Variants in CELF2 observed in about 807,000 individuals in gnomAD.
The protein encoded by CELF2 is CUGBP Elav-like family member 2.
In CELF2, 8 loss-of-function variants were observed where a neutral mutation model predicts 62.6. That is an observed-to-expected ratio of 0.13 (90% CI 0.07 to 0.23). CELF2 has a LOEUF of 0.23. Among genes scored for constraint, CELF2 ranks in the 10% least tolerant of loss-of-function variants. CELF2 has a pLI of 1.00. For synonymous variants in CELF2, 258 were observed against 250.0 expected, an observed-to-expected ratio of 1.03 and a Z score of -0.30; for missense variants, 333 against 671.0, an observed-to-expected ratio of 0.50 and a Z score of 5.56.
the CELF2 span, among the ~76,000 whole-genome samples, chr10:10,508,896 G>A: frequency 6.6e-6 from 1 of 152,014 alleles, no homozygotes; most frequent in Non-Finnish European, 1.5e-5. Flanking sequence ...GGTTGGTCTT[G>A]AACTCCTGAC....
rs569912197 is a variant in CELF2 at position 11,296,141 on chromosome 10, G to A, written c.976+7589G>A. 2.0e-5 allele frequency among the ~76,000 whole-genome samples: 3 copies of A among 152,284 alleles called. No individual in the cohort carries two copies. Among genetic ancestry groups the A allele is most frequent in the Admixed American group, 6.5e-5 (1 of 15,298 alleles). On this transcript the variant is annotated intron_variant, in intron 9 of 12. Coordinates refer to ENST00000633077, the MANE Select transcript of CELF2 (RefSeq NM_001326342.2). This position sits in a 1 kb window ranked among gnomAD's most constrained non-coding sequence, Gnocchi z 5.0. Reference sequence around the variant, plus strand: ...TCATCCCCGGGATGGACAGATCCTCGCGTGCATCTTAGGGCTGCCACTCAC... The same window carrying A: ...TCATCCCCGGGATGGACAGATCCTCACGTGCATCTTAGGGCTGCCACTCAC...
the CELF2 span, among the ~76,000 whole-genome samples, chr10:10,751,041 G>A: frequency 1.3e-5 from 2 of 152,230 alleles, no homozygotes; most frequent in Admixed American, 6.5e-5. Context: ...CCGTTTCAGC[G>A]ATGTCTAGAA....
At position 11,297,775 on chromosome 10, in the gene CELF2, GTTT is replaced by G. The variant is rs2093342252; in HGVS notation, c.976+9224_976+9226del. On this transcript the variant is annotated intron_variant, in intron 9 of 12. Transcript: ENST00000633077. This position sits in a 1 kb window ranked among gnomAD's most constrained non-coding sequence, Gnocchi z 4.4. Reference sequence around the variant, plus strand: ...CTTGAGGAACTCCCTGAGGCCAGGAGTTTGAGACCAGCCTGGCCAACATGGTGA... The same window carrying G: ...CTTGAGGAACTCCCTGAGGCCAGGAGGAGACCAGCCTGGCCAACATGGTGA... Among the ~76,000 whole-genome samples the G allele has an allele frequency of 6.6e-6, 1 of 152,214 alleles. No homozygotes were observed. Among genetic ancestry groups the G allele is most frequent in the Non-Finnish European group, 1.5e-5 (1 of 68,024 alleles).
At chr10:11,167,583 C>T (rs920494217) in intron 2 of CELF2, among the ~76,000 whole-genome samples, 1 of 152,196 alleles carries the variant, frequency 6.6e-6, no homozygotes, top group Non-Finnish European at 1.5e-5. Context: ...CCTAGTTATT[C>T]TCCCATTGTC....
chr10:10,995,127 A>G lies in CELF2; in HGVS notation c.89+75128A>G, dbSNP rs959586173. Among the ~76,000 whole-genome samples the G allele has an allele frequency of 4.6e-5, 7 of 152,220 alleles. No homozygotes were observed. Among genetic ancestry groups the G allele is most frequent in the Admixed American group, 3.3e-4 (5 of 15,278 alleles). The stretch of plus-strand genomic sequence containing the variant: ...TAAGCTGTGTCTTTCTAACTTGGTT[A>G]TAAGTTCCTTAAGGGCAGGAGCTAT... On this transcript the variant is annotated intron_variant, in intron 2 of 13. Transcript: ENST00000636488. This position sits in a 1 kb window ranked among gnomAD's most constrained non-coding sequence, Gnocchi z 4.7.
intron 1 of CELF2, among the ~76,000 whole-genome samples, chr10:11,042,786 G>T (rs2062071944): frequency 6.6e-6 from 1 of 152,050 alleles, no homozygotes; most frequent in Non-Finnish European, 1.5e-5. Flanking sequence ...AAATGTAATT[G>T]TATAATATGT....
intron 1 of CELF2, among the ~76,000 whole-genome samples, chr10:10,818,051 G>T (rs184218644): frequency 1.3e-5 from 2 of 152,068 alleles, no homozygotes; most frequent in African/African-American, 4.8e-5. Flanking sequence ...TGATGTTGCC[G>T]CTAATATCAC....
intron 1 of CELF2, among the ~76,000 whole-genome samples, chr10:10,870,055 A>G (rs1017124067): frequency 6.6e-6 from 1 of 152,212 alleles, no homozygotes; most frequent in East Asian, 1.9e-4. Flanking sequence ...AAAATCTAAA[A>G]TTTAAGAACT....
In CELF2 at chr10:11,224,942, C is replaced by T. The variant is rs2065987543; in HGVS notation, c.354+7435C>T. Among the ~76,000 whole-genome samples the T allele has an allele frequency of 6.6e-6, 1 of 152,030 alleles. No homozygotes were observed. Among genetic ancestry groups the T allele is most frequent in the Admixed American group, 6.6e-5 (1 of 15,262 alleles). On this transcript the variant is annotated intron_variant, in intron 3 of 12. Transcript: ENST00000633077. The surrounding 1 kb of genome is among the most constrained non-coding windows in gnomAD (Gnocchi z 4.5). ...GGATCAGAGGGAGTCAGGGCTCTGCCGGATATGGTCTGGTTTGTGCAGGGA... is the reference window on the plus strand; with the variant it reads ...GGATCAGAGGGAGTCAGGGCTCTGCTGGATATGGTCTGGTTTGTGCAGGGA...
At chr10:10,875,282 A>G (rs1484554414) in intron 1 of CELF2, among the ~76,000 whole-genome samples, 2 of 152,318 alleles carry the variant, frequency 1.3e-5, no homozygotes, top group East Asian at 1.9e-4. Flanking sequence ...TTCTCTCTAC[A>G]TATGCTATTT....
the CELF2 span, among the ~76,000 whole-genome samples, chr10:10,668,977 G>A: frequency 6.6e-6 from 1 of 151,996 alleles, no homozygotes; most frequent in Non-Finnish European, 1.5e-5. Context: ...CAAACAAAAG[G>A]TTACATACAA....
chr10:10,767,904 G>A, the CELF2 span, among the ~76,000 whole-genome samples: 1 of 131,240 alleles, frequency 7.6e-6, no homozygotes, highest in African/African-American at 3.0e-5. Context: ...GCTGAGGCAG[G>A]AGAATGGCGT....
rs2080206642 is a variant in CELF2 at position 11,260,591 on chromosome 10, A to G, written c.538+2719A>G. On this transcript the variant is annotated intron_variant, in intron 5 of 12. Transcript: ENST00000633077. The surrounding 1 kb of genome is among the most constrained non-coding windows in gnomAD (Gnocchi z 4.2). ...CAAGTGATGGGGAGCAGTCTCATCA[A>G]TATTTTATGCAAACGCTGGCTCAGT... 6.6e-6 allele frequency among the ~76,000 whole-genome samples: 1 copy of G among 151,986 alleles called. No individual in the cohort carries two copies. The highest frequency in any genetic ancestry group is 1.5e-5 in the Non-Finnish European group (1 of 67,996).
At chr10:10,906,651 A>G (rs2063358381) in intron 1 of CELF2, among the ~76,000 whole-genome samples, 1 of 151,968 alleles carries the variant, frequency 6.6e-6, no homozygotes, top group African/African-American at 2.4e-5. Context: ...AACAAAGAGG[A>G]GAGTGTTCTG....
At position 11,165,582 on chromosome 10, in the gene CELF2, A is replaced by G. The variant is rs377424177; in HGVS notation, c.171A>G (p.Ser57=). The G allele has an allele frequency of 1.9e-6, 3 of 1,614,122 alleles. No homozygotes were observed. The highest frequency in any genetic ancestry group is 1.1e-5 in the South Asian group (1 of 91,092). Residue 57 remains serine (S), a synonymous_variant, in exon 2 of 13, where the codon TCA becomes TCG. Transcript: ENST00000633077. This position sits in a 1 kb window ranked among gnomAD's most constrained non-coding sequence, Gnocchi z 7.4. ...TGTTTGTCGGACAGATCCCCCGGTC[A>G]TGGTCGGAAAAGGAGCTGAAAGAAC... ...IKMFVGQIPR[S]WSEKELKELF... is the part of the protein sequence containing the mutation.
At chr10:11,107,650 G>A (rs1251792849) in intron 1 of CELF2, among the ~76,000 whole-genome samples, 7 of 151,926 alleles carry the variant, frequency 4.6e-5, no homozygotes, top group Non-Finnish European at 8.8e-5. Context: ...TTACTCTAAT[G>A]TTTGGCTTCT....
chr10:11,259,379 G>A (rs542469244), intron 5 of CELF2, among the ~76,000 whole-genome samples: 267 of 151,546 alleles, frequency 1.8e-3, no homozygotes, highest in African/African-American at 6.3e-3. Flanking sequence ...CTAGGAGGCG[G>A]TGGAACCACG....
chr10:11,261,557 G>A lies in CELF2; in HGVS notation c.538+3685G>A, dbSNP rs534887701. Among the ~76,000 whole-genome samples, 67 of 152,246 alleles carry A rather than the reference G, an allele frequency of 4.4e-4. 1 individual carries two copies. In the Middle Eastern group the frequency reaches 0.01, roughly 23 times the overall value. ...AAATTGTCACGACTCTACGTGGAAAGCACCTAACACCTGCCAAGCACCTGG... is the reference window on the plus strand; with the variant it reads ...AAATTGTCACGACTCTACGTGGAAAACACCTAACACCTGCCAAGCACCTGG... On this transcript the variant is annotated intron_variant, in intron 5 of 12. Coordinates refer to ENST00000633077, the MANE Select transcript of CELF2 (RefSeq NM_001326342.2).
intron 1 of CELF2, among the ~76,000 whole-genome samples, chr10:11,076,371 G>A (rs1208805800): frequency 6.6e-6 from 1 of 152,196 alleles, no homozygotes. Context: ...CTATGGGGGT[G>A]CATTAGCATT....
Sources: allele counts gnomAD v4.1 joint callset (sites outside exome capture counted in the v4.1 genomes callset), GRCh38; gene constraint gnomAD v4.1.1; non-coding constraint Gnocchi (gnomAD v3.1); transcripts MANE v1.5; gene names NCBI Gene and HGNC (gene_info 2026-07-23, HGNC 2026-07-21).